METAP2: variants seen among roughly 807,000 people sequenced by gnomAD.
METAP2 encodes methionine aminopeptidase 2.
METAP2 carries 25 observed loss-of-function variants against 59.4 expected under a neutral mutation model. The ratio of observed to expected loss-of-function variants is 0.42; its 90% CI spans 0.31 to 0.59. The LOEUF (loss-of-function observed/expected upper bound fraction) is 0.59, where lower values mean the gene tolerates loss of function less well. Ranked by LOEUF, METAP2 falls within the 20% of genes least tolerant of loss-of-function variation. The pLI, the probability that METAP2 is intolerant of heterozygous loss-of-function variation, is 0.16. For missense variants in METAP2, 366 were observed against 581.2 expected (o/e 0.63, Z 3.81); for synonymous variants, 214 against 194.1 (o/e 1.10, Z -0.85).
intron 1 of METAP2, 28 bp downstream of exon 1, chr12:95,474,358 C>T (rs555702151): frequency 6.2e-6 from 10 of 1,610,420 alleles, no homozygotes; most frequent in South Asian, 3.3e-5. Flanking sequence ...TTTTCCCAGT[C>T]CCCTCCGGGA....
chr12:95,499,195 G>A (rs760155098), intron 7 of METAP2, among the ~76,000 whole-genome samples: 3 of 152,124 alleles, frequency 2.0e-5, no homozygotes, highest in Non-Finnish European at 2.9e-5. Flanking sequence ...AAGCTGGAGC[G>A]CAGTGGTGTG....
rs140788997 is a variant in METAP2 at position 95,514,115 on chromosome 12, T to G, written c.*211T>G. The G allele has an allele frequency of 3.1e-4, 162 of 529,804 alleles. No homozygotes were observed. In the East Asian group the frequency reaches 5.1e-3, roughly 17 times the overall value. 32.8% of individuals were successfully genotyped at this position (529,804 alleles called of 1,614,324 possible). Reference sequence around the variant, plus strand: ...TTTCCGGACTTTTAAATGCTAACTGTTTTTCCCCTTCCTGTCTAGGAAAAT... The same window carrying G: ...TTTCCGGACTTTTAAATGCTAACTGGTTTTCCCCTTCCTGTCTAGGAAAAT... On this transcript the variant is annotated 3_prime_UTR_variant, in exon 11 of 11. Transcript: ENST00000323666.
chr12:95,485,744 C>T (rs1594416073), intron 3 of METAP2, 135 bp from the exon 4 acceptor site: 1 of 595,616 alleles, frequency 1.7e-6, no homozygotes, highest in East Asian at 3.1e-5. Context: ...GAAGTGTCTT[C>T]TGCTTTTAAC....
rs1325512249 is a variant in METAP2, at chr12:95,503,714, G to A, written c.868-351G>A. ...CGAGCCAACCATGAGTTTATGGAAC[G>A]GTATGTAGCAGTGCTGCTACTGTGC... On this transcript the variant is annotated intron_variant, in intron 7 of 10. Transcript: ENST00000323666. Among the ~76,000 whole-genome samples, 8 of 152,132 alleles carry A rather than the reference G, an allele frequency of 5.3e-5. No homozygotes were observed. In the East Asian group the frequency reaches 1.5e-3, roughly 29 times the overall value.
At chr12:95,495,326 G>GACATTT (rs1472872553) in intron 6 of METAP2, among the ~76,000 whole-genome samples, 188 bp downstream of exon 6, 1 of 152,044 alleles carries the variant, frequency 6.6e-6, no homozygotes, top group African/African-American at 2.4e-5. Context: ...AGGCAGTTGT[G>GACATTT]ACATTTACTT....
In METAP2 at chr12:95,495,012, G is replaced by A; in HGVS notation, c.646G>A (p.Gly216Ser). 6.2e-7 allele frequency: 1 copy of A among 1,613,678 alleles called. No homozygotes were observed. The highest frequency in any genetic ancestry group is 8.5e-7 in the Non-Finnish European group (1 of 1,179,686). The change falls in exon 6 of 11, where the codon GGC (glycine) becomes AGC (serine). Residue 216 changes from glycine to serine, a missense_variant. Physicochemically the swap from Gly to Ser is moderately conservative, Grantham distance 56. This residue lies in a region of METAP2 where 106 missense variants were observed against 221.9 expected (regional missense o/e 0.48). Coordinates refer to ENST00000323666, the MANE Select transcript of METAP2 (RefSeq NM_006838.4). The part of the protein sequence containing the change: ...KLIKENGLNA[G>S]LAFPTGCSLN... ...AATAAAAGAGAATGGATTAAATGCA[G>A]GCCTGGCATTTCCTACTGGATGTTC...
intron 7 of METAP2, among the ~76,000 whole-genome samples, chr12:95,496,680 C>G (rs1414674708): frequency 1.3e-5 from 2 of 151,646 alleles, no homozygotes; most frequent in African/African-American, 4.9e-5. Context: ...ATCTTCTGTG[C>G]TCAACTGATT....
At chr12:95,476,668 G>T (rs1039555241) in intron 2 of METAP2, among the ~76,000 whole-genome samples, 3 of 152,116 alleles carry the variant, frequency 2.0e-5, no homozygotes, top group African/African-American at 4.8e-5. Flanking sequence ...AGCAAGTCTT[G>T]AAAAAGTTCA....
Position 95,500,802 on chromosome 12 carries a change from A to G in METAP2, c.868-3263A>G, listed in dbSNP as rs555252649. ...GTTAATATTTTGTTAAGGATTTTGC[A>G]TCAGTGTTCATTAGAATATTGGCCT... On this transcript the variant is annotated intron_variant, in intron 7 of 10. Transcript: ENST00000323666. Among the ~76,000 whole-genome samples, 17 of 152,282 alleles carry G rather than the reference A, an allele frequency of 1.1e-4. No homozygotes were observed. The South Asian group carries it at 2.7e-3, about 24-fold the overall frequency.
At chr12:95,503,392 G>A (rs886753655) in intron 7 of METAP2, among the ~76,000 whole-genome samples, 2 of 152,162 alleles carry the variant, frequency 1.3e-5, no homozygotes, top group African/African-American at 4.8e-5. Flanking sequence ...GGGCCCCAGA[G>A]GGGGAGAACA....
intron 4 of METAP2, among the ~76,000 whole-genome samples, chr12:95,490,458 A>G (rs2076229364): frequency 6.6e-6 from 1 of 150,576 alleles, no homozygotes; most frequent in Admixed American, 6.6e-5. Context: ...TCTCAAGTGT[A>G]TTGTTACTAG....
In METAP2 at chr12:95,513,740, G is replaced by A. The variant is rs200399920; in HGVS notation, c.1273G>A (p.Glu425Lys). The change falls in exon 11 of 11, where the codon GAA becomes AAA. Residue 425 changes from glutamate to lysine, a missense_variant. Coordinates refer to ENST00000323666, the MANE Select transcript of METAP2 (RefSeq NM_006838.4). ...CCGCAGATGGCTGGATCGCTTGGGAGAAAGTAAATACTTGATGGCTCTGAA... is the reference window on the plus strand; with the variant it reads ...CCGCAGATGGCTGGATCGCTTGGGAAAAAGTAAATACTTGATGGCTCTGAA... Reference protein sequence around the residue: ...FCRRWLDRLGESKYLMALKNL... With the variant: ...FCRRWLDRLGKSKYLMALKNL... 5 of 1,614,224 alleles carry A rather than the reference G, an allele frequency of 3.1e-6. No homozygotes were observed.
At chr12:95,489,493 T>C (rs1175604500) in intron 4 of METAP2, among the ~76,000 whole-genome samples, 1 of 152,218 alleles carries the variant, frequency 6.6e-6, no homozygotes, top group Non-Finnish European at 1.5e-5. Flanking sequence ...TCAATACTTT[T>C]TACATTCATA....
Position 95,483,213 on chromosome 12 carries a change from A to C in METAP2, c.260-2A>C. 6.2e-7 allele frequency: 1 copy of C among 1,610,958 alleles called. No individual in the cohort carries two copies. The highest frequency in any genetic ancestry group is 8.5e-7 in the Non-Finnish European group (1 of 1,177,096). On this transcript the variant is annotated splice_acceptor_variant, in intron 2 of 10. Transcript: ENST00000323666. LOFTEE classifies it high-confidence loss of function. ...ACATGTACTTGAAATGTCTTTTCTT[A>C]GATGGAGATGGCGATGGAGATGGAG...
chr12:95,474,420 C>G (rs1594406203), intron 1 of METAP2, 90 bp downstream of exon 1: 6 of 1,416,474 alleles, frequency 4.2e-6, no homozygotes, highest in Admixed American at 2.3e-5. Flanking sequence ...ACCGGGGCCC[C>G]AGAGCCCCGA....
chr12:95,498,684 G>A (rs1177994042), intron 7 of METAP2, among the ~76,000 whole-genome samples: 1 of 152,152 alleles, frequency 6.6e-6, no homozygotes, highest in Admixed American at 6.5e-5. Context: ...TGTTAAGACT[G>A]TTCTTTTGCT....
chr12:95,498,996 A>T lies in METAP2; in HGVS notation c.867+2898A>T, dbSNP rs558683025. 3.3e-5 allele frequency among the ~76,000 whole-genome samples: 5 copies of T among 149,908 alleles called. No homozygotes were observed. In the East Asian group the frequency reaches 1.0e-3, roughly 30 times the overall value. ...ACGCCACTGCGTTCCAGCCTGGGTA[A>T]AAAAGCAAGACCCTGTCCCAAAAAA... is the stretch of plus-strand genomic sequence containing the variant. On this transcript the variant is annotated intron_variant, in intron 7 of 10. Coordinates refer to ENST00000323666, the MANE Select transcript of METAP2 (RefSeq NM_006838.4).
chr12:95,478,528 A>G (rs1183725381), intron 2 of METAP2, among the ~76,000 whole-genome samples: 1 of 152,158 alleles, frequency 6.6e-6, no homozygotes, highest in Non-Finnish European at 1.5e-5. Context: ...GCTACTCGGG[A>G]GGCTGAGGCA....
chr12:95,512,620 G>A (rs2076411579), intron 9 of METAP2, among the ~76,000 whole-genome samples, 181 bp from the exon 10 acceptor site: 1 of 152,202 alleles, frequency 6.6e-6, no homozygotes, highest in African/African-American at 2.4e-5. Context: ...GCTGAGGCAG[G>A]AGAATCGCTT....
Sources: allele counts gnomAD v4.1 joint callset (sites outside exome capture counted in the v4.1 genomes callset), GRCh38; gene constraint gnomAD v4.1.1; regional missense constraint gnomAD v4.1.1; transcripts MANE v1.5; gene names NCBI Gene and HGNC (gene_info 2026-07-23, HGNC 2026-07-21).